PGBD5: variants seen among roughly 807,000 people sequenced by gnomAD.
PGBD5 encodes the protein piggyBac transposable element-derived protein 5.
PGBD5 carries 14 observed loss-of-function variants against 47.9 expected under a neutral mutation model. That is an observed-to-expected ratio of 0.29 (90% CI 0.19 to 0.46). PGBD5 has a LOEUF of 0.46. Ranked by LOEUF, PGBD5 falls within the 20% of genes least tolerant of loss-of-function variation. The pLI is 1.00. For synonymous variants in PGBD5, 316 were observed against 306.3 expected, an observed-to-expected ratio of 1.03 and a Z score of -0.33; for missense variants, 635 against 716.0, an observed-to-expected ratio of 0.89 and a Z score of 1.29.
At chr1:230,352,967 G>A (rs1667580796) in intron 2 of PGBD5, among the ~76,000 whole-genome samples, 1 of 152,146 alleles carries the variant, frequency 6.6e-6, no homozygotes, top group African/African-American at 2.4e-5. Flanking sequence ...GAAAGAAAGT[G>A]CACCTCTATT....
At chr1:230,354,875 C>T (rs938406891) in intron 2 of PGBD5, among the ~76,000 whole-genome samples, 7 of 151,916 alleles carry the variant, frequency 4.6e-5, no homozygotes, top group African/African-American at 1.7e-4. Context: ...TTCCCAAATA[C>T]AGTAAAATAA....
chr1:230,362,416 CTG>C (rs1667762057), intron 1 of PGBD5: 1 of 1,340,324 alleles, frequency 7.5e-7, no homozygotes, highest in Non-Finnish European at 9.9e-7. Flanking sequence ...CCGGGGAAGC[CTG>C]TGTCAGACCT....
chr1:230,337,004 G>A (rs1400640787), intron 4 of PGBD5, 104 bp downstream of exon 4: 1 of 1,281,698 alleles, frequency 7.8e-7, no homozygotes. Context: ...GGCATCCTGT[G>A]GTTTGTGGTG....
In PGBD5 at chr1:230,315,993, CATAA is replaced by C; in HGVS notation, c.*7428_*7431del. 1 of 134,324 alleles carries C rather than the reference CATAA, an allele frequency of 7.4e-6. No homozygotes were observed. The highest frequency in any genetic ancestry group is 1.6e-5 in the Non-Finnish European group (1 of 60,738). 8.3% of individuals were successfully genotyped at this position (134,324 alleles called of 1,614,324 possible). On this transcript the variant is annotated 3_prime_UTR_variant, in exon 7 of 7. Transcript: ENST00000391860. ...ACACATATATGTATGTGTATACATACATAAGTATATGTGTACACATATATGTATG... is the reference window on the plus strand; with the variant it reads ...ACACATATATGTATGTGTATACATACGTATATGTGTACACATATATGTATG...
chr1:230,363,852 T>C (rs1211327800), intron 1 of PGBD5, among the ~76,000 whole-genome samples: 1 of 133,304 alleles, frequency 7.5e-6, no homozygotes, highest in Non-Finnish European at 1.5e-5. Flanking sequence ...TTCCTATCAT[T>C]TGAGACACAA....
intron 4 of PGBD5, among the ~76,000 whole-genome samples, chr1:230,335,924 CAG>C (rs1667318044): frequency 6.6e-6 from 1 of 150,686 alleles, no homozygotes; most frequent in Non-Finnish European, 1.5e-5. Context: ...GACACAGACA[CAG>C]ACACACACAG....
At position 230,424,651 on chromosome 1, in the gene PGBD5, C is replaced by T. The variant is rs369625810; in HGVS notation, c.331+947G>A. 7.9e-5 allele frequency among the ~76,000 whole-genome samples: 12 copies of T among 152,290 alleles called. No homozygotes were observed. The East Asian group carries it at 2.3e-3, about 29-fold the overall frequency. On this transcript the variant is annotated intron_variant, in intron 1 of 6. Transcript: ENST00000391860. ...CATGCCCACCGCGGCCACTCCCTGG[C>T]CCTCATCAACACCGGTTGCGCGCAC...
At chr1:230,329,920 A>G (rs1667186014) in intron 5 of PGBD5, among the ~76,000 whole-genome samples, 1 of 152,258 alleles carries the variant, frequency 6.6e-6, no homozygotes, top group Non-Finnish European at 1.5e-5. Context: ...AGAGACCTAA[A>G]GCATGAGAGC....
intron 1 of PGBD5, among the ~76,000 whole-genome samples, chr1:230,364,745 G>A (rs1667801659): frequency 6.6e-6 from 1 of 152,236 alleles, no homozygotes; most frequent in Middle Eastern, 3.2e-3. Flanking sequence ...AGCTGGCCAG[G>A]CGCAGTGGCT....
chr1:230,348,339 G>C (rs1667506857), intron 3 of PGBD5, among the ~76,000 whole-genome samples: 1 of 152,226 alleles, frequency 6.6e-6, no homozygotes, highest in Non-Finnish European at 1.5e-5. Flanking sequence ...GGAGGTAAAT[G>C]CAAGAGCAGG....
At chr1:230,331,158 C>T (rs764150515) in intron 5 of PGBD5, among the ~76,000 whole-genome samples, 1 of 152,052 alleles carries the variant, frequency 6.6e-6, no homozygotes, top group Non-Finnish European at 1.5e-5. Flanking sequence ...CATGCCTGTA[C>T]ACCCAGCACT....
chr1:230,384,991 C>T (rs1656599393), intron 1 of PGBD5, among the ~76,000 whole-genome samples: 1 of 152,156 alleles, frequency 6.6e-6, no homozygotes, highest in Non-Finnish European at 1.5e-5. Flanking sequence ...AATCATCGAA[C>T]TCAACTTTGC....
Position 230,425,241 on chromosome 1 carries a change from A to T in PGBD5, c.331+357T>A, listed in dbSNP as rs900020540. 2.6e-5 allele frequency among the ~76,000 whole-genome samples: 4 copies of T among 152,022 alleles called. No homozygotes were observed. The highest frequency in any genetic ancestry group is 9.7e-5 in the African/African-American group (4 of 41,370). ...ACCAGCCACGCCGGGCTTTCAGAAA[A>T]GCCCCCTCAACTAGGAAAGCCTAAC... On this transcript the variant is annotated intron_variant, in intron 1 of 6. Coordinates refer to ENST00000391860, the MANE Select transcript of PGBD5 (RefSeq NM_001258311.2). The surrounding 1 kb of genome is among the most constrained non-coding windows in gnomAD (Gnocchi z 4.7).
intron 3 of PGBD5, among the ~76,000 whole-genome samples, chr1:230,343,123 A>G (rs547223539): frequency 6.6e-6 from 1 of 152,268 alleles, no homozygotes; most frequent in East Asian, 1.9e-4. Context: ...CAGGCCTCTC[A>G]CCATGACCAT....
intron 1 of PGBD5, among the ~76,000 whole-genome samples, chr1:230,388,881 C>G (rs1377574622): frequency 6.6e-6 from 1 of 152,160 alleles, no homozygotes; most frequent in Non-Finnish European, 1.5e-5. Context: ...TTGACTCAGG[C>G]CACAGAAATG....
chr1:230,351,605 G>GA (rs896810610), intron 2 of PGBD5, among the ~76,000 whole-genome samples: 1 of 151,814 alleles, frequency 6.6e-6, no homozygotes, highest in Non-Finnish European at 1.5e-5. Context: ...GAGAAACAAA[G>GA]AAAAAAAATG....
In PGBD5 at chr1:230,393,682, G is replaced by A. The variant is rs375910762; in HGVS notation, c.331+31916C>T. ...CTACTAAAAATACAAAAAATTAGCCGGGCGCAGTGGCGGGCGCCTGTAGTC... is the reference window on the plus strand; with the variant it reads ...CTACTAAAAATACAAAAAATTAGCCAGGCGCAGTGGCGGGCGCCTGTAGTC... On this transcript the variant is annotated intron_variant, in intron 1 of 6. Transcript: ENST00000391860. 7.2e-5 allele frequency among the ~76,000 whole-genome samples: 11 copies of A among 152,162 alleles called. No individual in the cohort carries two copies. The East Asian group carries it at 7.7e-4, about 11-fold the overall frequency.
At chr1:230,372,425 T>A (rs1355460657) in intron 1 of PGBD5, among the ~76,000 whole-genome samples, 1 of 152,126 alleles carries the variant, frequency 6.6e-6, no homozygotes, top group Non-Finnish European at 1.5e-5. Context: ...TGAAAGCTGT[T>A]AGACGCAGAA....
intron 1 of PGBD5, among the ~76,000 whole-genome samples, chr1:230,395,822 C>T (rs1201009541): frequency 2.9e-5 from 1 of 34,818 alleles, no homozygotes; most frequent in Non-Finnish European, 5.7e-5. Flanking sequence ...ACACTCCTCC[C>T]CATCCCTGAG....
Sources: allele counts gnomAD v4.1 joint callset (sites outside exome capture counted in the v4.1 genomes callset), GRCh38; gene constraint gnomAD v4.1.1; non-coding constraint Gnocchi (gnomAD v3.1); transcripts MANE v1.5; gene names NCBI Gene and HGNC (gene_info 2026-07-23, HGNC 2026-07-21).